The following PHACTR2 variants were observed in gnomAD, a reference collection of about 807,000 sequenced individuals.
The protein encoded by PHACTR2 is phosphatase and actin regulator 2, also known as chromosome 6 open reading frame 56.
A neutral mutation model predicts 76.0 loss-of-function variants in PHACTR2; 30 were observed. That is an observed-to-expected ratio of 0.39 (90% CI 0.30 to 0.54). PHACTR2 has a LOEUF of 0.54. Ranked by LOEUF, PHACTR2 falls within the 20% of genes least tolerant of loss-of-function variation. The pLI is 0.61. For missense variants in PHACTR2, 696 were observed against 781.1 expected (o/e 0.89, Z 1.30); for synonymous variants, 292 against 292.5 (o/e 1.00, Z 0.02).
Position 143,803,308 on chromosome 6 carries a change from G to A in PHACTR2, c.1846-3749G>A, listed in dbSNP as rs991147009. The stretch of plus-strand genomic sequence containing the variant: ...CACGCCTGTAGTTCCAGCACTTTGG[G>A]AGGCCGAAGTGGGGAGATTGCTTGA... On this transcript the variant is annotated intron_variant, in intron 11 of 12. Coordinates refer to ENST00000440869, the MANE Select transcript of PHACTR2 (RefSeq NM_001100164.2). This position sits in a 1 kb window ranked among gnomAD's most constrained non-coding sequence, Gnocchi z 4.7. Among the ~76,000 whole-genome samples the A allele has an allele frequency of 2.0e-5, 3 of 152,204 alleles. No individual in the cohort carries two copies. Among genetic ancestry groups the A allele is most frequent in the Non-Finnish European group, 4.4e-5 (3 of 68,026 alleles).
intron 12 of PHACTR2, among the ~76,000 whole-genome samples, chr6:143,814,633 C>A (rs965841647): frequency 7.0e-6 from 1 of 142,724 alleles, no homozygotes; most frequent in Admixed American, 7.2e-5. Context: ...GACGGAGTCT[C>A]GCTCTGTCGC....
chr6:143,701,930 A>G (rs1388274766), intron 1 of PHACTR2, among the ~76,000 whole-genome samples: 2 of 152,164 alleles, frequency 1.3e-5, no homozygotes, highest in African/African-American at 4.8e-5. Flanking sequence ...CCTAGAGATC[A>G]TTTAACCTAG....
At position 143,709,631 on chromosome 6, in the gene PHACTR2, A is replaced by G. The variant is rs1368017405; in HGVS notation, c.47-2385A>G. Among the ~76,000 whole-genome samples, 4 of 152,204 alleles carry G rather than the reference A, an allele frequency of 2.6e-5. No homozygotes were observed. The highest frequency in any genetic ancestry group is 9.6e-5 in the African/African-American group (4 of 41,536). On this transcript the variant is annotated intron_variant, in intron 1 of 12. Transcript: ENST00000440869. This position sits in a 1 kb window ranked among gnomAD's most constrained non-coding sequence, Gnocchi z 4.4. Reference sequence around the variant, plus strand: ...ACCCCGACATGGAGGTAAAAATCCCATTTCTCCACCTGTCCTCTGTTGACA... The same window carrying G: ...ACCCCGACATGGAGGTAAAAATCCCGTTTCTCCACCTGTCCTCTGTTGACA...
At chr6:143,586,876 A>G (rs9403515) in intron 1 of PHACTR2, among the ~76,000 whole-genome samples, 107,757 of 151,980 alleles carry the variant, frequency 0.71, 38,471 homozygotes, top group Middle Eastern at 0.8. Context: ...CCAGCCTTTG[A>G]AGTCGAGTCC....
chr6:143,574,079 A>G (rs1216990755), intron 1 of PHACTR2, among the ~76,000 whole-genome samples: 1 of 152,166 alleles, frequency 6.6e-6, no homozygotes, highest in Non-Finnish European at 1.5e-5. Flanking sequence ...CTGGAGCCTG[A>G]CTGGGGAAGA....
At position 143,660,562 on chromosome 6, in the gene PHACTR2, G is replaced by A. The variant is rs574593096; in HGVS notation, c.14-51454G>A. The stretch of plus-strand genomic sequence containing the variant: ...CCATATCAGACATAAGCAGTGTATT[G>A]ATACGGATCAGGTTCATTTATTCAT... On this transcript the variant is annotated intron_variant, in intron 1 of 11. Transcript: ENST00000305766. Among the ~76,000 whole-genome samples, 5 of 152,282 alleles carry A rather than the reference G, an allele frequency of 3.3e-5. No individual in the cohort carries two copies. In the South Asian group the frequency reaches 1.0e-3, roughly 32 times the overall value.
Position 143,616,846 on chromosome 6 carries a change from A to G in PHACTR2, c.13+8524A>G, listed in dbSNP as rs766127261. 6.6e-6 allele frequency among the ~76,000 whole-genome samples: 1 copy of G among 152,150 alleles called. No homozygotes were observed. The highest frequency in any genetic ancestry group is 1.5e-5 in the Non-Finnish European group (1 of 68,040). On this transcript the variant is annotated intron_variant, in intron 1 of 11. Transcript: ENST00000305766. The surrounding 1 kb of genome is among the most constrained non-coding windows in gnomAD (Gnocchi z 4.9). ...GAGGCCTAAGGAATGAAAAGGAATC[A>G]GCCACGTGAGAGCCAGGGTAAAAAT...
chr6:143,657,966 G>A (rs990618994), intron 1 of PHACTR2, among the ~76,000 whole-genome samples: 25 of 152,116 alleles, frequency 1.6e-4, no homozygotes, highest in African/African-American at 5.8e-4. Flanking sequence ...GGGGGTCCAG[G>A]CAGCACATCA....
chr6:143,669,559 T>A (rs1169122139), intron 1 of PHACTR2, among the ~76,000 whole-genome samples: 2 of 152,202 alleles, frequency 1.3e-5, no homozygotes, highest in African/African-American at 4.8e-5. Flanking sequence ...GGTGCTCCTA[T>A]ATTTTGTGCA....
In PHACTR2 at chr6:143,684,938, C is replaced by A. The variant is rs923846704; in HGVS notation, c.46+6729C>A. On this transcript the variant is annotated intron_variant, in intron 1 of 12. Transcript: ENST00000440869. This position sits in a 1 kb window ranked among gnomAD's most constrained non-coding sequence, Gnocchi z 4.3. ...TGAGTGATGTAGGACATTTATATTT[C>A]TTTTTCTTTGAATTGCCTATTTATA... 1.3e-5 allele frequency among the ~76,000 whole-genome samples: 2 copies of A among 152,180 alleles called. No individual in the cohort carries two copies. The highest frequency in any genetic ancestry group is 2.9e-5 in the Non-Finnish European group (2 of 67,988).
In PHACTR2 at chr6:143,820,194, G is replaced by T. The variant is rs1455368286; in HGVS notation, c.1923-3480G>T. ...ATATTCCAACATGAGATTTGGCAGG[G>T]ACAAATATCCAAACTGTATCATTTT... is the stretch of plus-strand genomic sequence containing the variant. On this transcript the variant is annotated intron_variant, in intron 12 of 12. Coordinates refer to ENST00000440869, the MANE Select transcript of PHACTR2 (RefSeq NM_001100164.2). The surrounding 1 kb of genome is among the most constrained non-coding windows in gnomAD (Gnocchi z 4.2). 6.6e-6 allele frequency among the ~76,000 whole-genome samples: 1 copy of T among 152,104 alleles called. No individual in the cohort carries two copies. The highest frequency in any genetic ancestry group is 2.4e-5 in the African/African-American group (1 of 41,432).
chr6:143,765,405 A>G lies in PHACTR2; in HGVS notation c.839A>G (p.Lys280Arg), dbSNP rs1206558096. ...GTVGTTKGKR[K>R]TDKQPITSHL... is the part of the protein sequence containing the mutation. Reference sequence around the variant, plus strand: ...GTGGGGACCACCAAGGGCAAGAGAAAAACTGACAAGCAGCCAATAACTTCT... The same window carrying G: ...GTGGGGACCACCAAGGGCAAGAGAAGAACTGACAAGCAGCCAATAACTTCT... Residue 280 changes from lysine (K) to arginine (R), a missense_variant, in exon 6 of 13, where the codon AAA (lysine) becomes AGA (arginine). By Grantham distance (26) the Lys-to-Arg change is conservative (BLOSUM62 2). Transcript: ENST00000440869. This position sits in a 1 kb window ranked among gnomAD's most constrained non-coding sequence, Gnocchi z 4.1. 6.2e-7 allele frequency: 1 copy of G among 1,614,224 alleles called. No homozygotes were observed. The highest frequency in any genetic ancestry group is 1.1e-5 in the South Asian group (1 of 91,086).
chr6:143,670,855 C>A (rs894948538), intron 1 of PHACTR2, among the ~76,000 whole-genome samples: 1 of 152,134 alleles, frequency 6.6e-6, no homozygotes, highest in African/African-American at 2.4e-5. Flanking sequence ...ATTCATCAAA[C>A]TCATTCTCCA....
intron 2 of PHACTR2, among the ~76,000 whole-genome samples, chr6:143,724,400 G>A (rs560552944): frequency 2.6e-5 from 4 of 152,294 alleles, no homozygotes; most frequent in Admixed American, 6.5e-5. Context: ...CCAAAGTGCT[G>A]GGATTACAGG....
At chr6:143,634,364 G>T (rs562873812) in intron 1 of PHACTR2, among the ~76,000 whole-genome samples, 1 of 152,256 alleles carries the variant, frequency 6.6e-6, no homozygotes, top group African/African-American at 2.4e-5. Flanking sequence ...GGAACACTTA[G>T]TCCTTTTCAT....
intron 4 of PHACTR2, among the ~76,000 whole-genome samples, chr6:143,758,663 T>G (rs1199306444): frequency 6.6e-6 from 1 of 152,112 alleles, no homozygotes; most frequent in African/African-American, 2.4e-5. Flanking sequence ...ACAAAATAGC[T>G]TCTGATAAAT....
rs1365871617 is a variant in PHACTR2, at chr6:143,770,967, A to G, written c.1233-1291A>G. 2.9e-5 allele frequency among the ~76,000 whole-genome samples: 4 copies of G among 136,088 alleles called. No individual in the cohort carries two copies. In the South Asian group the frequency reaches 9.1e-4, roughly 31 times the overall value. The allele number at this position is 136,088 out of a possible 152,430, so 89.3% of individuals were successfully genotyped here. On this transcript the variant is annotated intron_variant, in intron 6 of 12. Coordinates refer to ENST00000440869, the MANE Select transcript of PHACTR2 (RefSeq NM_001100164.2). ...GAGATGGAGTCTCGCTCTGTCACCC[A>G]GGCTAGAGTCATATTACCTTTTTTC... is the stretch of plus-strand genomic sequence containing the variant.
rs1776079704 is a variant in PHACTR2, at chr6:143,617,735, A to G, written c.13+9413A>G. On this transcript the variant is annotated intron_variant, in intron 1 of 11. Coordinates refer to the PHACTR2 transcript ENST00000305766. This position sits in a 1 kb window ranked among gnomAD's most constrained non-coding sequence, Gnocchi z 4.8. ...GGCTGTGAGATTAATGAGACCTCCA[A>G]GGAAATGGCTGAAAGAAAAGAGCAG... 6.6e-6 allele frequency among the ~76,000 whole-genome samples: 1 copy of G among 152,228 alleles called. No individual in the cohort carries two copies. Among genetic ancestry groups the G allele is most frequent in the South Asian group, 2.1e-4 (1 of 4,836 alleles).
intron 1 of PHACTR2, among the ~76,000 whole-genome samples, chr6:143,573,124 C>T (rs1033740531): frequency 5.3e-5 from 8 of 152,164 alleles, no homozygotes; most frequent in Admixed American, 5.2e-4. Flanking sequence ...ATATTACATT[C>T]GTGATCTTCC....
Sources: gnomAD v4.1 joint callset for allele counts (sites outside exome capture counted in the v4.1 genomes callset) on GRCh38, gnomAD v4.1.1 for gene constraint, Gnocchi (gnomAD v3.1) non-coding constraint, MANE v1.5 for transcripts, NCBI Gene and HGNC (gene_info 2026-07-23, HGNC 2026-07-21) for gene names.